The following PGPEP1 variants were observed in gnomAD, a reference collection of about 807,000 sequenced individuals.
PGPEP1 encodes the protein pyroglutamyl-peptidase 1.
Under a neutral mutation model 24.1 loss-of-function variants are expected in PGPEP1, and 15 were observed. That is an observed-to-expected ratio of 0.62 (90% CI 0.42 to 0.96). The LOEUF is 0.96. Ranked by LOEUF, PGPEP1 falls within the 40% of genes least tolerant of loss-of-function variation. PGPEP1 has a pLI of 0.00. For missense variants in PGPEP1, 242 were observed against 273.4 expected, an observed-to-expected ratio of 0.89 and a Z score of 0.81; for synonymous variants, 122 against 116.4, an observed-to-expected ratio of 1.05 and a Z score of -0.31.
intron 2 of PGPEP1, among the ~76,000 whole-genome samples, chr19:18,343,707 G>T (rs892372644): frequency 2.7e-5 from 3 of 112,514 alleles, no homozygotes; most frequent in African/African-American, 1.1e-4. Flanking sequence ...TTTTTGAGAC[G>T]AAATCTCACT....
chr19:18,341,201 G>A (rs1021360425), intron 1 of PGPEP1, among the ~76,000 whole-genome samples: 10 of 152,186 alleles, frequency 6.6e-5, no homozygotes. Context: ...CGCGCCCTGC[G>A]CTCCTGGGGG....
chr19:18,349,695 G>A (rs1489764419), intron 2 of PGPEP1, among the ~76,000 whole-genome samples: 1 of 152,104 alleles, frequency 6.6e-6, no homozygotes, highest in Non-Finnish European at 1.5e-5. Flanking sequence ...CGTCCCCATC[G>A]CCGCTCCCAT....
At chr19:18,352,218 G>A (rs1971049199) in intron 2 of PGPEP1, among the ~76,000 whole-genome samples, 1 of 140,138 alleles carries the variant, frequency 7.1e-6, no homozygotes, top group South Asian at 2.3e-4. Context: ...CTTGCAGTGA[G>A]CCAAGATTGC....
intron 4 of PGPEP1, among the ~76,000 whole-genome samples, chr19:18,359,960 T>G (rs147475247): frequency 6.6e-6 from 1 of 152,134 alleles, no homozygotes; most frequent in Non-Finnish European, 1.5e-5. Flanking sequence ...CAGCTATTGG[T>G]CAATGCAGTT....
At chr19:18,350,882 G>A (rs138773669) in intron 2 of PGPEP1, among the ~76,000 whole-genome samples, 1 of 152,134 alleles carries the variant, frequency 6.6e-6, no homozygotes, top group South Asian at 2.1e-4. Flanking sequence ...CGCTGATGGC[G>A]CCACTGCACT....
rs979045516 is a variant in PGPEP1, at chr19:18,340,608, C to A, written c.-74C>A. On this transcript the variant is annotated 5_prime_UTR_variant, in exon 1 of 5. Coordinates refer to ENST00000269919, the MANE Select transcript of PGPEP1 (RefSeq NM_017712.4). ...TGACAGGGGCGTGGCCTCGCGCGGC[C>A]GAGAGGCTGCAGCGGCAGCAGCTGT... The A allele has an allele frequency of 6.4e-6, 9 of 1,408,714 alleles. No homozygotes were observed. The highest frequency in any genetic ancestry group is 8.5e-6 in the Non-Finnish European group (9 of 1,054,316). The allele number at this position is 1,408,714 out of a possible 1,614,324, so 87.3% of individuals were successfully genotyped here. A position where few individuals can be genotyped will look rare whatever the true frequency, so the allele number is the denominator to read the frequency against.
Position 18,340,660 on chromosome 19 carries a change from C to A in PGPEP1, c.-22C>A. ...GCGCCAGTCGCAACAGAAGCAGGTC[C>A]GAGGCACAGCCCGATCCCGCCATGG... On this transcript the variant is annotated 5_prime_UTR_variant, in exon 1 of 5. Transcript: ENST00000269919. 1 of 1,537,344 alleles carries A rather than the reference C, an allele frequency of 6.5e-7. No individual in the cohort carries two copies. The highest frequency in any genetic ancestry group is 1.2e-5 in the South Asian group (1 of 83,428).
intron 2 of PGPEP1, among the ~76,000 whole-genome samples, chr19:18,347,965 C>T (rs1349594777): frequency 6.6e-6 from 1 of 152,094 alleles, no homozygotes; most frequent in Non-Finnish European, 1.5e-5. Context: ...TCTCTTTGTC[C>T]CCTGGGTGAA....
rs1272673804 is a variant in PGPEP1 at position 18,369,298 on chromosome 19, C to A, written c.*5715C>A. 1 of 152,484 alleles carries A rather than the reference C, an allele frequency of 6.6e-6. No homozygotes were observed. The highest frequency in any genetic ancestry group is 2.4e-5 in the African/African-American group (1 of 41,436). 9.4% of individuals were successfully genotyped at this position (152,484 alleles called of 1,614,324 possible). ...TCCCCCTCCCCCAAATTCCCTTTCT[C>A]CTCCTGCTCTTTCTCCCCGCTGTGC... is the stretch of plus-strand genomic sequence containing the variant. On this transcript the variant is annotated 3_prime_UTR_variant, in exon 5 of 5. Coordinates refer to ENST00000269919, the MANE Select transcript of PGPEP1 (RefSeq NM_017712.4).
At position 18,365,276 on chromosome 19, in the gene PGPEP1, A is replaced by C. The variant is rs935681812; in HGVS notation, c.*1693A>C. 1 of 152,166 alleles carries C rather than the reference A, an allele frequency of 6.6e-6. No individual in the cohort carries two copies. Among genetic ancestry groups the C allele is most frequent in the African/African-American group, 2.4e-5 (1 of 41,440 alleles). 9.4% of individuals were successfully genotyped at this position (152,166 alleles called of 1,614,324 possible). A position where few individuals can be genotyped will look rare whatever the true frequency, so the allele number is the denominator to read the frequency against. ...TATTTTGGCCTGGAGGAATGTGGCT[A>C]TACTGCTTCCCTGAGTGTGACACAG... On this transcript the variant is annotated 3_prime_UTR_variant, in exon 5 of 5. Transcript: ENST00000269919.
At position 18,364,812 on chromosome 19, in the gene PGPEP1, T is replaced by C. The variant is rs1971482925; in HGVS notation, c.*1229T>C. On this transcript the variant is annotated 3_prime_UTR_variant, in exon 5 of 5. Coordinates refer to ENST00000269919, the MANE Select transcript of PGPEP1 (RefSeq NM_017712.4). ...GGGCCACCTGTGGAAAGGCGGATTT[T>C]GTCTGCTTTTGACTTTTCTTTTTTA... The C allele has an allele frequency of 6.6e-6, 1 of 152,226 alleles. No individual in the cohort carries two copies. 9.4% of individuals were successfully genotyped at this position (152,226 alleles called of 1,614,324 possible).
At chr19:18,349,996 T>G (rs1398036599) in intron 2 of PGPEP1, among the ~76,000 whole-genome samples, 1 of 152,072 alleles carries the variant, frequency 6.6e-6, no homozygotes, top group Non-Finnish European at 1.5e-5. Context: ...ATTACAGGCA[T>G]GAGCCACTGT....
In PGPEP1 at chr19:18,366,591, C is replaced by G. The variant is rs1265932193; in HGVS notation, c.*3008C>G. 1 of 152,122 alleles carries G rather than the reference C, an allele frequency of 6.6e-6. No homozygotes were observed. The highest frequency in any genetic ancestry group is 1.5e-5 in the Non-Finnish European group (1 of 68,050). 9.4% of individuals were successfully genotyped at this position (152,122 alleles called of 1,614,324 possible). On this transcript the variant is annotated 3_prime_UTR_variant, in exon 5 of 5. Transcript: ENST00000269919. ...GTTTACACAATTCTCCTGCCTCAGC[C>G]TCCCGAGTAGCTGGGATTACAGGCG...
intron 2 of PGPEP1, 135 bp downstream of exon 2, chr19:18,343,046 C>A (rs1291595401): frequency 3.0e-6 from 2 of 671,672 alleles, no homozygotes; most frequent in Non-Finnish European, 5.2e-6. Context: ...GTCACCCAGG[C>A]TGGAATGCAA....
At chr19:18,360,838 T>C (rs1485063235) in intron 4 of PGPEP1, among the ~76,000 whole-genome samples, 2 of 151,866 alleles carry the variant, frequency 1.3e-5, no homozygotes, top group Non-Finnish European at 2.9e-5. Flanking sequence ...TTTTATTTTA[T>C]TTTAGTTTTT....
At chr19:18,343,156 C>G (rs534160299) in intron 2 of PGPEP1, among the ~76,000 whole-genome samples, 14 of 152,158 alleles carry the variant, frequency 9.2e-5, no homozygotes, top group Admixed American at 3.3e-4. Flanking sequence ...GCTGCCACCA[C>G]GCCCGGCTAA....
chr19:18,348,146 A>G (rs982777368), intron 2 of PGPEP1, among the ~76,000 whole-genome samples: 2 of 151,882 alleles, frequency 1.3e-5, no homozygotes, highest in Non-Finnish European at 2.9e-5. Context: ...CCTACCTCTC[A>G]GGGTGGACTG....
chr19:18,349,900 T>G (rs1031185629), intron 2 of PGPEP1, among the ~76,000 whole-genome samples: 1 of 152,172 alleles, frequency 6.6e-6, no homozygotes, highest in Non-Finnish European at 1.5e-5. Flanking sequence ...GGGGGCTTTT[T>G]GGTCTTTTTT....
chr19:18,350,449 G>C (rs760316031), intron 2 of PGPEP1, among the ~76,000 whole-genome samples: 4 of 152,152 alleles, frequency 2.6e-5, no homozygotes, highest in African/African-American at 9.7e-5. Flanking sequence ...GGAAAACCAG[G>C]CTTCAGTGTA....
Sources: allele counts gnomAD v4.1 joint callset (sites outside exome capture counted in the v4.1 genomes callset), GRCh38; gene constraint gnomAD v4.1.1; transcripts MANE v1.5; gene names NCBI Gene and HGNC (gene_info 2026-07-23, HGNC 2026-07-21).